The following DNAH3 variants were observed in gnomAD, a reference collection of about 807,000 sequenced individuals.
DNAH3 encodes the protein axonemal beta dynein heavy chain 3.
DNAH3 carries 332 observed loss-of-function variants against 432.5 expected under a neutral mutation model. The ratio of observed to expected loss-of-function variants is 0.77; its 90% CI spans 0.70 to 0.84. The LOEUF (loss-of-function observed/expected upper bound fraction) is 0.84. Among genes scored for constraint, DNAH3 ranks in the 40% least tolerant of loss-of-function variants. DNAH3 has a pLI of 0.00. For synonymous variants in DNAH3, 1,956 were observed against 1,900.2 expected (o/e 1.03, Z -0.76); for missense variants, 4,861 against 5,114.0 (o/e 0.95, Z 1.51).
intron 35 of DNAH3, among the ~76,000 whole-genome samples, chr16:21,035,790 A>G (rs1394451821): frequency 6.6e-6 from 1 of 152,194 alleles, no homozygotes; most frequent in Non-Finnish European, 1.5e-5. Context: ...TCACTTGCTA[A>G]TACAGTAGGA....
chr16:21,000,310 G>A (rs2086956901), exon 43 of DNAH3: 2 of 1,614,050 alleles, frequency 1.2e-6, no homozygotes, highest in East Asian at 2.2e-5. Context: ...GATATCCTGG[G>A]TCTGATTGGC....
chr16:20,995,333 A>G (rs970943636), intron 44 of DNAH3, among the ~76,000 whole-genome samples: 6 of 150,136 alleles, frequency 4.0e-5, no homozygotes, highest in Non-Finnish European at 5.9e-5. Context: ...TCCCAGGTTC[A>G]AGCAATTCTT....
At chr16:21,138,339 A>AG (rs1491545874) in intron 5 of DNAH3, among the ~76,000 whole-genome samples, 2 of 152,080 alleles carry the variant, frequency 1.3e-5, no homozygotes, top group Non-Finnish European at 2.9e-5. Flanking sequence ...AGCTGCTAAC[A>AG]GGGGAGTATT....
intron 20 of DNAH3, among the ~76,000 whole-genome samples, chr16:21,076,864 T>C (rs965928735): frequency 4.6e-5 from 7 of 152,202 alleles, no homozygotes; most frequent in African/African-American, 1.7e-4. Flanking sequence ...TTGCTTTGTC[T>C]TTTGATGAGA....
intron 61 of DNAH3, among the ~76,000 whole-genome samples, chr16:20,934,853 G>A (rs1297223238): frequency 1.3e-5 from 2 of 151,980 alleles, no homozygotes; most frequent in African/African-American, 4.8e-5. Flanking sequence ...TTAAGACATA[G>A]GGCAACCAGT....
At chr16:20,941,586 T>C in intron 58 of DNAH3, 43 bp from the exon 59 acceptor site, 4 of 1,609,068 alleles carry the variant, frequency 2.5e-6, no homozygotes, top group Non-Finnish European at 3.4e-6. Flanking sequence ...AAGCAAGCCC[T>C]ACAGGCTGTG....
chr16:21,035,340 A>G (rs560149832), intron 35 of DNAH3, among the ~76,000 whole-genome samples: 165 of 152,250 alleles, frequency 1.1e-3, no homozygotes, highest in African/African-American at 3.9e-3. Context: ...AAAAACGAAT[A>G]AGAGAGGAAA....
Position 20,983,122 on chromosome 16 carries a change from T to A in DNAH3, c.7666-208A>T, listed in dbSNP as rs181264214. On this transcript the variant is annotated intron_variant, in intron 48 of 61. Coordinates refer to ENST00000261383, the Ensembl canonical transcript of DNAH3. ...TACAATAGCCCCTTTTTAAAAAAAA[T>A]TTTAATTTTTTATTTTTTATTAAGA... Among the ~76,000 whole-genome samples, 359 of 152,152 alleles carry A rather than the reference T, an allele frequency of 2.4e-3. 1 individual carries two copies. Among genetic ancestry groups the A allele is most frequent in the African/African-American group, 7.9e-3 (329 of 41,520 alleles).
At chr16:21,131,163 CCT>C (rs1393223948) in intron 7 of DNAH3, among the ~76,000 whole-genome samples, 5 of 151,904 alleles carry the variant, frequency 3.3e-5, no homozygotes, top group South Asian at 4.2e-4. Context: ...CTAGAGAGAC[CCT>C]GTTTCTACAA....
chr16:20,985,315 A>T (rs1567583689), exon 48 of DNAH3: 15 of 1,614,062 alleles, frequency 9.3e-6, no homozygotes, highest in Non-Finnish European at 1.3e-5. Context: ...CTGCAGTATG[A>T]TCTTCTTAAG....
chr16:20,993,736 T>C (rs1387582351), intron 44 of DNAH3, among the ~76,000 whole-genome samples: 1 of 152,158 alleles, frequency 6.6e-6, no homozygotes, highest in Non-Finnish European at 1.5e-5. Context: ...CTGGTTGCAG[T>C]GCAGTGGTGT....
chr16:20,952,662 C>T (rs1027894734), intron 55 of DNAH3, 113 bp from the exon 56 acceptor site: 1 of 704,744 alleles, frequency 1.4e-6, no homozygotes, highest in Admixed American at 2.0e-5. Flanking sequence ...CTTTCAGGCT[C>T]ATGAATATCA....
Position 20,934,824 on chromosome 16 carries a change from AGTTC to A in DNAH3, c.11997+520_11997+523del, listed in dbSNP as rs2083531022. Among the ~76,000 whole-genome samples, 4 of 152,294 alleles carry A rather than the reference AGTTC, an allele frequency of 2.6e-5. No individual in the cohort carries two copies. In the South Asian group the frequency reaches 8.3e-4, roughly 32 times the overall value. Reference sequence around the variant, plus strand: ...TTGTCTTCAAAGGCTAATCAAGTTAAGTTCATTCATAAACTGATTTAAGACATAG... The same window carrying A: ...TTGTCTTCAAAGGCTAATCAAGTTAAATTCATAAACTGATTTAAGACATAG... On this transcript the variant is annotated intron_variant, in intron 61 of 61. Transcript: ENST00000261383.
intron 48 of DNAH3, among the ~76,000 whole-genome samples, chr16:20,983,215 T>C (rs1469399030): frequency 1.3e-5 from 2 of 152,184 alleles, no homozygotes; most frequent in South Asian, 2.1e-4. Context: ...AACCTCCGCC[T>C]CCTGGGTTCA....
intron 31 of DNAH3, among the ~76,000 whole-genome samples, chr16:21,047,961 G>T (rs1435698475): frequency 1.5e-4 from 23 of 152,102 alleles, no homozygotes; most frequent in African/African-American, 5.1e-4. Context: ...TGCCCCTGCT[G>T]GGGGGTGCCT....
chr16:21,120,507 T>C, intron 11 of DNAH3: 1 of 582,748 alleles, frequency 1.7e-6, no homozygotes, highest in South Asian at 2.0e-5. Flanking sequence ...TTAGTCAACC[T>C]GCAGGACTAT....
At chr16:20,975,154 C>G in intron 51 of DNAH3, 79 bp downstream of exon 51, 2 of 1,533,798 alleles carry the variant, frequency 1.3e-6, no homozygotes, top group Non-Finnish European at 1.8e-6. Flanking sequence ...CTGAGCCTCA[C>G]TTTTCTCATC....
chr16:21,112,355 A>G (rs1282304688), intron 12 of DNAH3, among the ~76,000 whole-genome samples: 3 of 152,116 alleles, frequency 2.0e-5, no homozygotes, highest in Non-Finnish European at 4.4e-5. Context: ...GTATTAGTCC[A>G]TTTTCATACT....
intron 1 of DNAH3, among the ~76,000 whole-genome samples, chr16:21,151,894 C>A (rs1224964953): frequency 6.6e-6 from 1 of 151,674 alleles, no homozygotes; most frequent in East Asian, 1.9e-4. Context: ...CATTCAATTT[C>A]CCCCCAAACA....
Sources: gnomAD v4.1 joint callset for allele counts (sites outside exome capture counted in the v4.1 genomes callset) on GRCh38, gnomAD v4.1.1 for gene constraint, MANE v1.5 for transcripts, NCBI Gene and HGNC (gene_info 2026-07-23, HGNC 2026-07-21) for gene names.